The following SYNE1 variants were observed in gnomAD, a reference collection of about 807,000 sequenced individuals.
SYNE1 encodes spectrin repeat containing nuclear envelope protein 1.
In SYNE1, 616 loss-of-function variants were observed where a neutral mutation model predicts 1,111.0. That is an observed-to-expected ratio of 0.55 (90% confidence interval 0.52 to 0.59). SYNE1 has a LOEUF of 0.59. Ranked by LOEUF, SYNE1 falls within the 20% of genes least tolerant of loss-of-function variation. The probability of loss-of-function intolerance (pLI) is 0.00; values close to 1 mark genes in which losing one functional copy is unlikely to be tolerated. For synonymous variants in SYNE1, 3,855 were observed against 3,825.8 expected (o/e 1.01, Z -0.28); for missense variants, 10,006 against 10,417.0 (o/e 0.96, Z 1.72).
chr6:152,338,540 G>A (rs1452704780), intron 75 of SYNE1, among the ~76,000 whole-genome samples: 1 of 152,190 alleles, frequency 6.6e-6, no homozygotes, highest in African/African-American at 2.4e-5. Flanking sequence ...AGGATCACCT[G>A]AGCCCAGGAG....
At chr6:152,493,011 C>A (rs2098979593) in intron 11 of SYNE1, among the ~76,000 whole-genome samples, 1 of 152,114 alleles carries the variant, frequency 6.6e-6, no homozygotes, top group Admixed American at 6.5e-5. Flanking sequence ...TCTGACTATT[C>A]CTGGGCTACA....
intron 54 of SYNE1, among the ~76,000 whole-genome samples, chr6:152,386,504 A>G (rs1442695358): frequency 6.9e-6 from 1 of 145,128 alleles, no homozygotes; most frequent in East Asian, 1.9e-4. Context: ...AGCAGCAAAC[A>G]ACAACAACTC....
chr6:152,180,583 AAAG>A (rs1420476407), intron 128 of SYNE1, among the ~76,000 whole-genome samples: 1 of 152,176 alleles, frequency 6.6e-6, no homozygotes, highest in Non-Finnish European at 1.5e-5. Context: ...TGTAAAAAAG[AAAG>A]AAGAAATGGA....
chr6:152,198,954 C>G (rs992145284), intron 127 of SYNE1, among the ~76,000 whole-genome samples: 5 of 144,514 alleles, frequency 3.5e-5, no homozygotes, highest in African/African-American at 1.3e-4. Context: ...TAGACTTGTT[C>G]TATGCAGCAA....
At chr6:152,170,160 T>C (rs2064825493) in intron 130 of SYNE1, among the ~76,000 whole-genome samples, 1 of 152,206 alleles carries the variant, frequency 6.6e-6, no homozygotes, top group Admixed American at 6.5e-5. Context: ...CTTATTATTG[T>C]TAGCATAATA....
rs868016736 is a variant in SYNE1 at position 152,308,633 on chromosome 6, C to T, written c.17203-1G>A. ...ATTGTTCATATTGTACCACAGCTTC[C>T]TTTGAAAAAAAAAAAAAACAGAAAG... On this transcript the variant is annotated splice_acceptor_variant, in intron 90 of 145. Transcript: ENST00000367255. LOFTEE classifies it high-confidence loss of function. 3 of 1,536,020 alleles carry T rather than the reference C, an allele frequency of 2.0e-6. No individual in the cohort carries two copies. Among genetic ancestry groups the T allele is most frequent in the South Asian group, 1.2e-5 (1 of 83,254 alleles).
At chr6:152,464,134 G>A (rs776544470) in intron 18 of SYNE1, among the ~76,000 whole-genome samples, 5 of 152,142 alleles carry the variant, frequency 3.3e-5, no homozygotes, top group Non-Finnish European at 7.4e-5. Context: ...TTAAATATCT[G>A]AGTCAAGAGC....
chr6:152,276,803 C>T (rs111471530), intron 98 of SYNE1, among the ~76,000 whole-genome samples: 1 of 151,110 alleles, frequency 6.6e-6, no homozygotes, highest in Non-Finnish European at 1.5e-5. Context: ...AGGGTTGGGG[C>T]AGCTAATGGG....
chr6:152,576,239 A>T (rs1464708331), intron 3 of SYNE1, among the ~76,000 whole-genome samples: 1 of 152,242 alleles, frequency 6.6e-6, no homozygotes, highest in Non-Finnish European at 1.5e-5. Flanking sequence ...TGCGTGAGCC[A>T]GTGTTCAAGG....
At chr6:152,574,889 GT>G (rs1358037414) in intron 3 of SYNE1, among the ~76,000 whole-genome samples, 1 of 151,868 alleles carries the variant, frequency 6.6e-6, no homozygotes, top group Non-Finnish European at 1.5e-5. Flanking sequence ...TTTTTGGTTT[GT>G]TTTTTGTTTT....
Position 152,211,603 on chromosome 6 carries a change from AAAG to A in SYNE1, c.22495-18_22495-16del, listed in dbSNP as rs1438172102. 15 of 1,606,330 alleles carry A rather than the reference AAAG, an allele frequency of 9.3e-6. No individual in the cohort carries two copies. Among genetic ancestry groups the A allele is most frequent in the Middle Eastern group, 3.3e-4 (2 of 6,066 alleles). ...GCTTGAAACAACTATAATTTAAAAAAAAGAAGAACATACTTTAGAGTTCCTAAT... is the reference window on the plus strand; with the variant it reads ...GCTTGAAACAACTATAATTTAAAAAAAAGAACATACTTTAGAGTTCCTAAT... On this transcript the variant is annotated splice_polypyrimidine_tract_variant and intron_variant, in intron 123 of 145. Transcript: ENST00000367255.
At chr6:152,250,241 G>A (rs2088748713) in intron 104 of SYNE1, among the ~76,000 whole-genome samples, 1 of 151,500 alleles carries the variant, frequency 6.6e-6, no homozygotes, top group Admixed American at 6.6e-5. Context: ...GCCAGCCTGG[G>A]TGACTTTATC....
intron 58 of SYNE1, among the ~76,000 whole-genome samples, chr6:152,374,394 G>C (rs368512784): frequency 5.9e-5 from 9 of 152,226 alleles, no homozygotes; most frequent in African/African-American, 2.2e-4. Flanking sequence ...AACTTTGCCA[G>C]GACATTTGTC....
rs770166877 is a variant in SYNE1, at chr6:152,458,795, C to T, written c.2530G>A (p.Glu844Lys). ...TTAAAAAGGGCACTCGATTGTGCCT[C>T]ACGCTCAAGAACTGTGATAATTTCA... The part of the protein sequence containing the change: ...INEIITVLER[E>K]AQSSALFKQK... Residue 844 changes from glutamate to lysine, a missense_variant, in exon 22 of 146, where the codon GAG (glutamate) becomes AAG (lysine). By Grantham distance (56) the Glu-to-Lys change is moderately conservative. Coordinates refer to ENST00000367255, the MANE Select transcript of SYNE1 (RefSeq NM_182961.4). The T allele has an allele frequency of 1.2e-6, 2 of 1,614,068 alleles. No homozygotes were observed. Among genetic ancestry groups the T allele is most frequent in the South Asian group, 1.1e-5 (1 of 91,076 alleles).
At chr6:152,344,843 A>C (rs1252034775) in intron 73 of SYNE1, among the ~76,000 whole-genome samples, 3 of 152,216 alleles carry the variant, frequency 2.0e-5, no homozygotes, top group Non-Finnish European at 2.9e-5. Context: ...TAACAAGCCA[A>C]CCAATTTTCA....
intron 75 of SYNE1, among the ~76,000 whole-genome samples, chr6:152,337,398 T>C (rs904007145): frequency 6.6e-6 from 1 of 152,170 alleles, no homozygotes; most frequent in Admixed American, 6.5e-5. Flanking sequence ...CAAGTGATTC[T>C]CCTGCCTCAG....
At chr6:152,528,770 C>G (rs983240738) in intron 4 of SYNE1, among the ~76,000 whole-genome samples, 2 of 152,168 alleles carry the variant, frequency 1.3e-5, no homozygotes, top group Non-Finnish European at 2.9e-5. Flanking sequence ...CTTAAATTCA[C>G]TTTTAGAAGT....
chr6:152,350,081 C>T (rs1486505799), intron 72 of SYNE1, 87 bp downstream of exon 72: 5 of 1,515,354 alleles, frequency 3.3e-6, no homozygotes, highest in Admixed American at 1.7e-5. Flanking sequence ...TGTGTGCACC[C>T]CCACACATGC....
chr6:152,637,160 G>T (rs919526330), intron 1 of SYNE1, 29 bp downstream of exon 1: 1 of 152,480 alleles, frequency 6.6e-6, no homozygotes, highest in African/African-American at 2.4e-5. Context: ...GCTGGGGGCG[G>T]GGACCCGGAG....
Sources: allele counts gnomAD v4.1 joint callset (sites outside exome capture counted in the v4.1 genomes callset), GRCh38; gene constraint gnomAD v4.1.1; transcripts MANE v1.5; gene names NCBI Gene and HGNC (gene_info 2026-07-23, HGNC 2026-07-21).